The following CRISPLD2 variants were observed in gnomAD, a reference collection of about 807,000 sequenced individuals.
The protein encoded by CRISPLD2 is cysteine rich secretory protein LCCL domain containing 2, also known as cysteine-rich secretory protein LCCL domain-containing 2.
In CRISPLD2, 47 loss-of-function variants were observed where a neutral mutation model predicts 71.1. That is an observed-to-expected ratio of 0.66 (90% confidence interval 0.52 to 0.84). The LOEUF (loss-of-function observed/expected upper bound fraction) is 0.84. CRISPLD2 is among the 40% of genes least tolerant of loss of function. The pLI, the probability that CRISPLD2 is intolerant of heterozygous loss-of-function variation, is 0.00. For missense variants in CRISPLD2, 830 were observed against 651.1 expected (o/e 1.27, Z -2.99); for synonymous variants, 317 against 250.1 (o/e 1.27, Z -2.52).
At chr16:84,856,918 G>A (rs1917255905) in intron 6 of CRISPLD2, among the ~76,000 whole-genome samples, 1 of 152,246 alleles carries the variant, frequency 6.6e-6, no homozygotes, top group South Asian at 2.1e-4. Flanking sequence ...CATTCTGTGA[G>A]TCCACGGATG....
intron 5 of CRISPLD2, 94 bp downstream of exon 5, chr16:84,850,777 C>A: frequency 1.1e-6 from 1 of 881,114 alleles, no homozygotes; most frequent in Non-Finnish European, 1.9e-6. Context: ...GCAGCGAAGT[C>A]TTTAATATCT....
At chr16:84,883,430 C>T (rs2071585406) in intron 13 of CRISPLD2, among the ~76,000 whole-genome samples, 2 of 152,200 alleles carry the variant, frequency 1.3e-5, no homozygotes, top group African/African-American at 4.8e-5. Flanking sequence ...TGAGCCACGG[C>T]GGTGACATTT....
At chr16:84,853,815 C>T (rs1287465770) in intron 5 of CRISPLD2, among the ~76,000 whole-genome samples, 1 of 152,238 alleles carries the variant, frequency 6.6e-6, no homozygotes, top group Non-Finnish European at 1.5e-5. Flanking sequence ...AGCAGCCCTG[C>T]TGCCGTGATC....
In CRISPLD2 at chr16:84,908,679, T is replaced by G. The variant is rs1245131933; in HGVS notation, c.*2037T>G. 9.7e-6 allele frequency: 1 copy of G among 102,632 alleles called. No individual in the cohort carries two copies. The highest frequency in any genetic ancestry group is 1.9e-5 in the Non-Finnish European group (1 of 53,612). 6.4% of individuals were successfully genotyped at this position (102,632 alleles called of 1,614,324 possible). ...CCTTGCCCAGAGCAGGACCTGGCTG[T>G]CTTTTTTTTTTTTTTTTTTTTTTTC... On this transcript the variant is annotated 3_prime_UTR_variant, in exon 15 of 15. Coordinates refer to ENST00000262424, the MANE Select transcript of CRISPLD2 (RefSeq NM_031476.4).
Position 84,873,937 on chromosome 16 carries a change from G to A in CRISPLD2, c.1130G>A (p.Ser377Asn). 6.4e-7 allele frequency: 1 copy of A among 1,572,716 alleles called. No homozygotes were observed. Among genetic ancestry groups the A allele is most frequent in the Admixed American group, 1.8e-5 (1 of 55,470 alleles). ...TTAAACAGCAAATACAAACCTTCCA[G>A]CTCATTCATGGTGTCAAAAGTGAAA... ...VQSLSKYKPS[S>N]SFMVSKVKVQ... Residue 377 changes from serine to asparagine, a missense_variant, in exon 11 of 15, where the codon AGC becomes AAC. Physicochemically the swap from Ser to Asn is conservative, Grantham distance 46. Transcript: ENST00000262424.
At chr16:84,900,114 C>A (rs1403933419) in intron 14 of CRISPLD2, among the ~76,000 whole-genome samples, 3 of 152,166 alleles carry the variant, frequency 2.0e-5, no homozygotes, top group African/African-American at 7.2e-5. Context: ...CCGGAGCCAC[C>A]TGCGGCCAAG....
intron 13 of CRISPLD2, among the ~76,000 whole-genome samples, chr16:84,884,726 G>C (rs2071597368): frequency 6.6e-6 from 1 of 152,200 alleles, no homozygotes; most frequent in African/African-American, 2.4e-5. Context: ...ATCCGGCCAT[G>C]GGTGTGAGCT....
intron 1 of CRISPLD2, among the ~76,000 whole-genome samples, chr16:84,837,672 C>T (rs1156430061): frequency 6.6e-6 from 1 of 152,204 alleles, no homozygotes; most frequent in African/African-American, 2.4e-5. Context: ...CCGCCTCGGC[C>T]TCCCAAAGTG....
At chr16:84,880,808 C>G (rs181379936) in intron 13 of CRISPLD2, 1 of 368,100 alleles carries the variant, frequency 2.7e-6, no homozygotes, top group South Asian at 4.9e-5. Context: ...CAGGTTCAAA[C>G]GATTCTTGTA....
chr16:84,877,675 C>A (rs897477764), intron 12 of CRISPLD2, among the ~76,000 whole-genome samples, 165 bp downstream of exon 12: 4 of 151,632 alleles, frequency 2.6e-5, no homozygotes, highest in Admixed American at 2.6e-4. Flanking sequence ...CATGGTGAAA[C>A]CCCATTTCTA....
intron 1 of CRISPLD2, among the ~76,000 whole-genome samples, chr16:84,832,541 G>A (rs1916513544): frequency 6.6e-6 from 1 of 152,276 alleles, no homozygotes; most frequent in Admixed American, 6.5e-5. Flanking sequence ...CTTCGGCGGT[G>A]AACGAGACCC....
Position 84,877,524 on chromosome 16 carries a change from G to C in CRISPLD2, c.1229+14G>C, listed in dbSNP as rs1030060874. ...TCACTGCCCAAGGTAAGGCGGGCCT[G>C]ATCTGTCATCTTTTCTATGGAAGAT... On this transcript the variant is annotated intron_variant, in intron 12 of 14. Coordinates refer to ENST00000262424, the MANE Select transcript of CRISPLD2 (RefSeq NM_031476.4). 1.9e-5 allele frequency: 30 copies of C among 1,612,900 alleles called. No homozygotes were observed. In the East Asian group the frequency reaches 6.2e-4, roughly 34 times the overall value.
chr16:84,870,174 A>G (rs904163005), intron 8 of CRISPLD2, among the ~76,000 whole-genome samples: 4 of 152,192 alleles, frequency 2.6e-5, no homozygotes, highest in African/African-American at 9.7e-5. Context: ...CTCATTAATA[A>G]TTATTCAGGA....
chr16:84,846,944 G>C (rs1309840169), intron 3 of CRISPLD2, among the ~76,000 whole-genome samples: 1 of 152,228 alleles, frequency 6.6e-6, no homozygotes, highest in East Asian at 1.9e-4. Flanking sequence ...CCTGGGGGCT[G>C]ACGGCTGGTT....
intron 8 of CRISPLD2, among the ~76,000 whole-genome samples, chr16:84,871,780 G>A (rs570801253): frequency 6.8e-6 from 1 of 147,928 alleles, no homozygotes; most frequent in Non-Finnish European, 1.5e-5. Flanking sequence ...TTGAACTCCT[G>A]ACCTCAGGTG....
intron 14 of CRISPLD2, among the ~76,000 whole-genome samples, chr16:84,890,367 AAAG>A (rs1253271812): frequency 1.3e-5 from 2 of 151,910 alleles, no homozygotes; most frequent in Admixed American, 6.6e-5. Context: ...TCAAAAAAAA[AAAG>A]AAGTGGCAGT....
chr16:84,852,216 C>G (rs1917108731), intron 5 of CRISPLD2, among the ~76,000 whole-genome samples: 2 of 152,240 alleles, frequency 1.3e-5, no homozygotes, highest in South Asian at 2.1e-4. Flanking sequence ...TCTCCAAGTA[C>G]AGTCACATTG....
chr16:84,838,419 C>G lies in CRISPLD2; in HGVS notation c.-74-3C>G. On this transcript the variant is annotated splice_region_variant and splice_polypyrimidine_tract_variant and intron_variant, in intron 1 of 14. Coordinates refer to ENST00000262424, the MANE Select transcript of CRISPLD2 (RefSeq NM_031476.4). ...TCTCCCACCACCCTCTGCTTCCTTT[C>G]AGAGCTCAAGCGCCCAGCTCTGCCC... 6.5e-7 allele frequency: 1 copy of G among 1,544,676 alleles called. No homozygotes were observed. Among genetic ancestry groups the G allele is most frequent in the Non-Finnish European group, 8.7e-7 (1 of 1,143,596 alleles).
At chr16:84,821,670 C>G (rs893106281) in intron 1 of CRISPLD2, among the ~76,000 whole-genome samples, 5 of 152,144 alleles carry the variant, frequency 3.3e-5, no homozygotes, top group Non-Finnish European at 7.3e-5. Context: ...TACAGGGGCT[C>G]CAGTTAAAAC....
Sources: allele counts gnomAD v4.1 joint callset (sites outside exome capture counted in the v4.1 genomes callset), GRCh38; gene constraint gnomAD v4.1.1; transcripts MANE v1.5; gene names NCBI Gene and HGNC (gene_info 2026-07-23, HGNC 2026-07-21).